Variants in CPPED1 observed in about 807,000 individuals in gnomAD.
CPPED1 encodes the protein calcineurin like phosphoesterase domain containing 1.
Under a neutral mutation model 28.0 loss-of-function variants are expected in CPPED1, and 28 were observed. The observed-to-expected ratio is 1.00, with a 90% CI of 0.74 to 1.37. The LOEUF (loss-of-function observed/expected upper bound fraction) is 1.37, where lower values mean the gene tolerates loss of function less well. Ranked by LOEUF, CPPED1 falls within the 40% of genes most tolerant of loss-of-function variation. The probability of loss-of-function intolerance (pLI) is 0.00; values close to 1 mark genes in which losing one functional copy is unlikely to be tolerated. For missense variants in CPPED1, 504 were observed against 416.5 expected (o/e 1.21, Z -1.83); for synonymous variants, 198 against 180.2 (o/e 1.10, Z -0.79).
intron 2 of CPPED1, among the ~76,000 whole-genome samples, chr16:12,735,304 T>A (rs12446541): frequency 0.16 from 24,590 of 151,824 alleles, 2,021 homozygotes; most frequent in Admixed American, 0.18. Context: ...ATATATATAT[T>A]TTTTTTAGAT....
At chr16:12,776,659 G>A (rs547448334) in intron 2 of CPPED1, among the ~76,000 whole-genome samples, 25 of 152,236 alleles carry the variant, frequency 1.6e-4, no homozygotes, top group East Asian at 3.9e-4. Context: ...GGTGGCTCAC[G>A]CCTGTAATCA....
At chr16:12,718,735 G>C (rs1029488741) in intron 2 of CPPED1, among the ~76,000 whole-genome samples, 1 of 151,876 alleles carries the variant, frequency 6.6e-6, no homozygotes, top group African/African-American at 2.4e-5. Context: ...GGCTGAGGTG[G>C]GCAGATCACT....
intron 3 of CPPED1, among the ~76,000 whole-genome samples, chr16:12,676,546 A>G (rs1246749129): frequency 6.6e-6 from 1 of 152,160 alleles, no homozygotes; most frequent in Non-Finnish European, 1.5e-5. Flanking sequence ...GGATTCACAT[A>G]GCTAAGATGT....
intron 1 of CPPED1, among the ~76,000 whole-genome samples, chr16:12,785,426 CTTT>C (rs796796663): frequency 4.8e-5 from 6 of 124,678 alleles, no homozygotes; most frequent in African/African-American, 6.0e-5. Context: ...AACGTGAATT[CTTT>C]TTTTTTTTTT....
At chr16:12,717,818 T>C (rs1037518805) in intron 2 of CPPED1, among the ~76,000 whole-genome samples, 1 of 152,092 alleles carries the variant, frequency 6.6e-6, no homozygotes, top group Non-Finnish European at 1.5e-5. Context: ...ATTTTTGTAC[T>C]TTTAGTAGAG....
intron 2 of CPPED1, among the ~76,000 whole-genome samples, chr16:12,752,395 G>A (rs1173582956): frequency 6.6e-6 from 1 of 151,864 alleles, no homozygotes; most frequent in African/African-American, 2.4e-5. Flanking sequence ...CACGAAATAT[G>A]GAAGCTTTGT....
chr16:12,661,493 C>T lies in CPPED1; in HGVS notation c.*3393G>A, dbSNP rs1357833259. The T allele has an allele frequency of 6.6e-6, 1 of 152,236 alleles. No homozygotes were observed. The highest frequency in any genetic ancestry group is 1.5e-5 in the Non-Finnish European group (1 of 68,048). The allele number at this position is 152,236 out of a possible 1,614,324, so 9.4% of individuals were successfully genotyped here. A position where few individuals can be genotyped will look rare whatever the true frequency, so the allele number is the denominator to read the frequency against. ...AAAGTAAATGATCATCTCCCCAGCC[C>T]CATTCCCAAAGTCACTTGAGCCTTT... On this transcript the variant is annotated 3_prime_UTR_variant, in exon 4 of 4. Coordinates refer to ENST00000381774, the MANE Select transcript of CPPED1 (RefSeq NM_018340.3).
intron 3 of CPPED1, 34 bp downstream of exon 3, chr16:12,704,590 T>C (rs757391292): frequency 2.5e-6 from 4 of 1,576,092 alleles, no homozygotes; most frequent in Non-Finnish European, 3.5e-6. Context: ...AGACTTGTCC[T>C]TCCTCCCTGA....
At position 12,781,236 on chromosome 16, in the gene CPPED1, G is replaced by C; in HGVS notation, c.238C>G (p.Pro80Ala). The change falls in exon 2 of 4, where the codon CCC (proline) becomes GCC (alanine). Residue 80 changes from proline (P) to alanine (A), a missense_variant. Transcript: ENST00000381774. ...CACAGAACGAAGAATTTGGGTTTGG[G>C]GTTCAGCTTGTTGATGGCCTGGACG... ...QAVQAINKLN[P>A]KPKFFVLCGD... 1.2e-6 allele frequency: 2 copies of C among 1,614,136 alleles called. No homozygotes were observed. Among genetic ancestry groups the C allele is most frequent in the Non-Finnish European group, 1.7e-6 (2 of 1,180,022 alleles).
rs1596435169 is a variant in CPPED1, at chr16:12,665,045, C to T, written c.786G>A (p.Val262=). The T allele has an allele frequency of 6.2e-7, 1 of 1,610,086 alleles. No individual in the cohort carries two copies. Among genetic ancestry groups the T allele is most frequent in the East Asian group, 2.2e-5 (1 of 44,808 alleles). The change falls in exon 4 of 4, where the codon GTG becomes GTA. Residue 262 remains valine, a synonymous_variant. Transcript: ENST00000381774. The part of the protein sequence containing the change: ...AGGTYQNLDM[V]VSSAIGCQLG... Reference sequence around the variant, plus strand: ...GCTGGCATCCAATGGCAGATGACACCACCATGTCGAGGTTCTGGTAGGTAC... The same window carrying T: ...GCTGGCATCCAATGGCAGATGACACTACCATGTCGAGGTTCTGGTAGGTAC...
chr16:12,795,650 A>T (rs531622690), intron 1 of CPPED1, among the ~76,000 whole-genome samples: 1 of 152,258 alleles, frequency 6.6e-6, no homozygotes, highest in South Asian at 2.1e-4. Context: ...AACAACTTCT[A>T]TTGGTTTGAT....
chr16:12,741,995 G>A lies in CPPED1; in HGVS notation c.290-36946C>T, dbSNP rs550766686. Among the ~76,000 whole-genome samples the A allele has an allele frequency of 3.5e-3, 538 of 152,200 alleles. 5 individuals are homozygous for A. The highest frequency in any genetic ancestry group is 0.012 in the African/African-American group (518 of 41,522). On this transcript the variant is annotated intron_variant, in intron 2 of 3. Transcript: ENST00000381774. Reference sequence around the variant, plus strand: ...GCGGGACAATCGCTTGAACCTGGGAGGGGGAGGTCACAGTGAGTCGAGATC... The same window carrying A: ...GCGGGACAATCGCTTGAACCTGGGAAGGGGAGGTCACAGTGAGTCGAGATC...
At chr16:12,714,520 G>T (rs1368931247) in intron 2 of CPPED1, among the ~76,000 whole-genome samples, 1 of 152,076 alleles carries the variant, frequency 6.6e-6, no homozygotes, top group Non-Finnish European at 1.5e-5. Flanking sequence ...GTTTCTATTT[G>T]CATTTACATA....
At chr16:12,688,378 G>C (rs1003186352) in intron 3 of CPPED1, among the ~76,000 whole-genome samples, 1 of 147,318 alleles carries the variant, frequency 6.8e-6, no homozygotes, top group Non-Finnish European at 1.5e-5. Context: ...TGTCACCCAG[G>C]CTGGAGTGCA....
rs562752926 is a variant in CPPED1 at position 12,732,459 on chromosome 16, CACACACAA to C, written c.290-27418_290-27411del. 2.7e-3 allele frequency among the ~76,000 whole-genome samples: 370 copies of C among 135,862 alleles called. 2 individuals are homozygous for C. Among genetic ancestry groups the C allele is most frequent in the African/African-American group, 9.4e-3 (351 of 37,330 alleles). The allele number at this position is 135,862 out of a possible 152,430, so 89.1% of individuals were successfully genotyped here. ...CTCCCCTGCCCACACACAACACACA[CACACACAA>C]ACACACAAACACACACACACACAGA... On this transcript the variant is annotated intron_variant, in intron 2 of 3. Transcript: ENST00000381774.
intron 2 of CPPED1, among the ~76,000 whole-genome samples, chr16:12,769,020 C>G (rs945047822): frequency 6.6e-6 from 1 of 152,050 alleles, no homozygotes; most frequent in African/African-American, 2.4e-5. Flanking sequence ...CACATGCCCC[C>G]ACACCTGGCT....
chr16:12,790,593 T>C (rs1314925067), intron 1 of CPPED1, among the ~76,000 whole-genome samples: 1 of 152,180 alleles, frequency 6.6e-6, no homozygotes, highest in Non-Finnish European at 1.5e-5. Flanking sequence ...TAGAATACAA[T>C]GATAAATAGC....
At chr16:12,742,236 G>T (rs568127389) in intron 2 of CPPED1, among the ~76,000 whole-genome samples, 78 of 152,092 alleles carry the variant, frequency 5.1e-4, no homozygotes, top group Middle Eastern at 6.8e-3. Flanking sequence ...CCAATAATAA[G>T]CTATTACCTA....
intron 2 of CPPED1, among the ~76,000 whole-genome samples, chr16:12,772,377 A>G (rs1419361591): frequency 6.6e-6 from 1 of 152,106 alleles, no homozygotes; most frequent in Non-Finnish European, 1.5e-5. Context: ...TCTTAGACGC[A>G]CTCTACTGAT....
Sources: allele counts gnomAD v4.1 joint callset (sites outside exome capture counted in the v4.1 genomes callset), GRCh38; gene constraint gnomAD v4.1.1; transcripts MANE v1.5; gene names NCBI Gene and HGNC (gene_info 2026-07-23, HGNC 2026-07-21).